The following PCDHA4 variants were observed in gnomAD, a reference collection of about 807,000 sequenced individuals.
The protein encoded by PCDHA4 is protocadherin alpha-4.
PCDHA4 carries 49 observed loss-of-function variants against 61.4 expected under a neutral mutation model. The ratio of observed to expected loss-of-function variants is 0.80; its 90% CI spans 0.63 to 1.01. The LOEUF is 1.01. Ranked by LOEUF, PCDHA4 falls within the 50% of genes least tolerant of loss-of-function variation. PCDHA4 has a pLI of 0.00. For synonymous variants in PCDHA4, 590 were observed against 550.3 expected (o/e 1.07, Z -1.01); for missense variants, 1,254 against 1,235.8 (o/e 1.01, Z -0.22).
chr5:140,901,100 C>G (rs1172808892), intron 1 of PCDHA4, among the ~76,000 whole-genome samples: 1 of 152,002 alleles, frequency 6.6e-6, no homozygotes, highest in East Asian at 1.9e-4. Flanking sequence ...CTTCTACATT[C>G]TGGTTATTCA....
chr5:140,863,783 G>C, intron 1 of PCDHA4: 1 of 226,522 alleles, frequency 4.4e-6, no homozygotes, highest in Non-Finnish European at 8.8e-6. Context: ...CGGATCACTC[G>C]AGGCCAGGAG....
intron 3 of PCDHA4, among the ~76,000 whole-genome samples, chr5:140,992,036 TG>T (rs2097488420): frequency 6.6e-6 from 1 of 151,818 alleles, no homozygotes; most frequent in African/African-American, 2.4e-5. Flanking sequence ...TGTGTGTGTG[TG>T]TGTGTGTGTG....
chr5:140,861,378 C>A, intron 1 of PCDHA4: 1 of 421,170 alleles, frequency 2.4e-6, no homozygotes. Flanking sequence ...CCCTATTGCG[C>A]AGGACCTGGG....
chr5:140,822,098 T>A (rs2150113663), intron 1 of PCDHA4: 1 of 1,614,214 alleles, frequency 6.2e-7, no homozygotes, highest in East Asian at 2.2e-5. Context: ...CTGGAGGTGA[T>A]CGTGGACAGG....
intron 1 of PCDHA4, chr5:140,823,120 G>A (rs2150122509): frequency 6.2e-7 from 1 of 1,614,058 alleles, no homozygotes; most frequent in Non-Finnish European, 8.5e-7. Context: ...CGACGTGAAC[G>A]ACAACGCTCC....
chr5:140,827,933 T>C, intron 1 of PCDHA4: 2 of 1,081,166 alleles, frequency 1.8e-6, no homozygotes, highest in Non-Finnish European at 2.7e-6. Flanking sequence ...CATGAAGTTA[T>C]AGCTAGCCAA....
At chr5:140,836,949 T>C in intron 1 of PCDHA4, 1 of 431,294 alleles carries the variant, frequency 2.3e-6, no homozygotes, top group Non-Finnish European at 4.0e-6. Context: ...TCAAAATCTA[T>C]GGTTTATGTT....
intron 1 of PCDHA4, chr5:140,857,657 C>T (rs1207727837): frequency 1.9e-6 from 3 of 1,596,740 alleles, no homozygotes; most frequent in Non-Finnish European, 1.7e-6. Context: ...GGTGAGCGCG[C>T]GCGATGGGGG....
At position 140,849,698 on chromosome 5, in the gene PCDHA4, C is replaced by A. The variant is rs2150445577; in HGVS notation, c.2385+40126C>A. 5 of 1,598,548 alleles carry A rather than the reference C, an allele frequency of 3.1e-6. No individual in the cohort carries two copies. The East Asian group carries it at 1.1e-4, about 36-fold the overall frequency. ...TCCCCTTCAAGCTGGTGTCCACCTA[C>A]AAGAATTACTACTCGTTGGTGCTGG... On this transcript the variant is annotated intron_variant, in intron 1 of 3. Coordinates refer to ENST00000530339, the MANE Select transcript of PCDHA4 (RefSeq NM_018907.4).
At chr5:140,867,507 C>G (rs190699676) in intron 1 of PCDHA4, 5 of 151,968 alleles carry the variant, frequency 3.3e-5, no homozygotes, top group Non-Finnish European at 7.4e-5. Flanking sequence ...AGAACAAAAT[C>G]TCAAATTAAT....
chr5:140,898,593 C>A (rs1236439193), intron 1 of PCDHA4, among the ~76,000 whole-genome samples: 13 of 152,146 alleles, frequency 8.5e-5, no homozygotes, highest in Admixed American at 1.3e-4. Flanking sequence ...GTTACTGTAG[C>A]CTTGTAGTAT....
chr5:140,852,890 T>G (rs1315995547), intron 1 of PCDHA4: 3 of 912,634 alleles, frequency 3.3e-6, no homozygotes, highest in East Asian at 2.3e-4. Context: ...AACGTATTTT[T>G]TTTTTTGAGT....
intron 1 of PCDHA4, among the ~76,000 whole-genome samples, chr5:140,907,616 G>A (rs2073492016): frequency 6.6e-6 from 1 of 152,216 alleles, no homozygotes; most frequent in Non-Finnish European, 1.5e-5. Flanking sequence ...CATATCAAGG[G>A]CTCAGTGTTG....
intron 1 of PCDHA4, chr5:140,828,727 G>A (rs1769906344): frequency 1.2e-6 from 2 of 1,614,210 alleles, no homozygotes; most frequent in African/African-American, 1.3e-5. Context: ...ACTTATTCCT[G>A]ACAGCCACAG....
At chr5:140,907,706 A>G (rs1171479205) in intron 1 of PCDHA4, among the ~76,000 whole-genome samples, 1 of 152,172 alleles carries the variant, frequency 6.6e-6, no homozygotes, top group Non-Finnish European at 1.5e-5. Flanking sequence ...CCTGTTGCTG[A>G]GCCCATGTGT....
chr5:140,876,051 A>G, intron 1 of PCDHA4: 2 of 1,613,956 alleles, frequency 1.2e-6, no homozygotes, highest in African/African-American at 2.7e-5. Flanking sequence ...TATTGCCTGA[A>G]TTAGTTCTTC....
intron 1 of PCDHA4, chr5:140,865,312 G>A (rs949727799): frequency 1.1e-4 from 17 of 152,148 alleles, no homozygotes; most frequent in African/African-American, 4.1e-4. Context: ...TTACAAATGA[G>A]ATGGCCTTTA....
intron 3 of PCDHA4, among the ~76,000 whole-genome samples, chr5:140,989,538 T>TAAA (rs2097347158): frequency 6.6e-6 from 1 of 152,180 alleles, no homozygotes; most frequent in Non-Finnish European, 1.5e-5. Flanking sequence ...GAAGATAGTT[T>TAAA]GTAATTCCTT....
intron 1 of PCDHA4, chr5:140,822,888 C>G: frequency 6.2e-7 from 1 of 1,614,234 alleles, no homozygotes; most frequent in Non-Finnish European, 8.5e-7. Context: ...TTGCTCTGAT[C>G]AGCGTGTCTG....
Sources: gnomAD v4.1 joint callset for allele counts (sites outside exome capture counted in the v4.1 genomes callset) on GRCh38, gnomAD v4.1.1 for gene constraint, MANE v1.5 for transcripts, NCBI Gene and HGNC (gene_info 2026-07-23, HGNC 2026-07-21) for gene names.